Variants in NUDC observed in about 807,000 individuals in gnomAD.
The protein encoded by NUDC is nuclear distribution C, dynein complex regulator.
NUDC carries 14 observed loss-of-function variants against 45.0 expected under a neutral mutation model. That is an observed-to-expected ratio of 0.31 (90% confidence interval 0.21 to 0.49). The LOEUF (loss-of-function observed/expected upper bound fraction) is 0.49, where lower values mean the gene tolerates loss of function less well. Among genes scored for constraint, NUDC ranks in the 20% least tolerant of loss-of-function variants. The pLI is 0.99. For missense variants in NUDC, 323 were observed against 426.2 expected (o/e 0.76, Z 2.13); for synonymous variants, 153 against 156.7 (o/e 0.98, Z 0.17).
At chr1:26,926,397 A>G (rs1363705491) in intron 2 of NUDC, among the ~76,000 whole-genome samples, 3 of 152,128 alleles carry the variant, frequency 2.0e-5, no homozygotes, top group Admixed American at 1.3e-4. Flanking sequence ...GTTCCCAGCA[A>G]TGCTCTGGTT....
intron 1 of NUDC, chr1:26,922,610 A>G (rs1262991537): frequency 6.5e-6 from 1 of 152,718 alleles, no homozygotes; most frequent in East Asian, 1.9e-4. Context: ...GTTTTTTTGG[A>G]ACAAACACAA....
intron 6 of NUDC, among the ~76,000 whole-genome samples, chr1:26,943,514 G>A (rs1354996237): frequency 6.6e-6 from 1 of 152,024 alleles, no homozygotes; most frequent in Admixed American, 6.6e-5. Context: ...CAGGAAAAGA[G>A]CTCGTTGATT....
intron 2 of NUDC, among the ~76,000 whole-genome samples, chr1:26,906,252 C>G (rs1435974646): frequency 6.6e-6 from 1 of 151,552 alleles, no homozygotes; most frequent in African/African-American, 2.4e-5. Context: ...GAACTCCACC[C>G]TGGGCAAGAG....
rs987596004 is a variant in NUDC, at chr1:26,940,876, C to T, written c.160-581C>T. On this transcript the variant is annotated intron_variant, in intron 2 of 8. Coordinates refer to ENST00000321265, the MANE Select transcript of NUDC (RefSeq NM_006600.4). ...AATTTTTTTGTATTGTTAGTAGAGACGGGGTTTCACCATGTTGGCCAGATT... is the reference window on the plus strand; with the variant it reads ...AATTTTTTTGTATTGTTAGTAGAGATGGGGTTTCACCATGTTGGCCAGATT... Among the ~76,000 whole-genome samples, 4 of 151,498 alleles carry T rather than the reference C, an allele frequency of 2.6e-5. No homozygotes were observed. In the South Asian group the frequency reaches 6.3e-4, roughly 24 times the overall value.
intron 2 of NUDC, among the ~76,000 whole-genome samples, chr1:26,937,467 A>G (rs143967571): frequency 1.6e-3 from 236 of 151,968 alleles, no homozygotes; most frequent in Non-Finnish European, 2.9e-3. Flanking sequence ...TTTTTGGTAT[A>G]GACGGGGTCT....
At chr1:26,904,260 C>T (rs756389646) in intron 2 of NUDC, among the ~76,000 whole-genome samples, 4 of 150,082 alleles carry the variant, frequency 2.7e-5, no homozygotes, top group African/African-American at 4.9e-5. Flanking sequence ...CTCTGCCTGC[C>T]GGGTTCAGGC....
chr1:26,930,947 C>CA (rs2082178056), intron 2 of NUDC, among the ~76,000 whole-genome samples: 1 of 151,726 alleles, frequency 6.6e-6, no homozygotes, highest in Admixed American at 6.6e-5. Context: ...ACCTGGGAGA[C>CA]AGAGTTTGCA....
chr1:26,941,968 C>CA (rs1312432206), intron 4 of NUDC, 150 bp downstream of exon 4: 2 of 820,600 alleles, frequency 2.4e-6, no homozygotes, highest in Non-Finnish European at 4.1e-6. Context: ...AGATCACACT[C>CA]AGAGACATTG....
chr1:26,936,150 T>C (rs2082229178), intron 2 of NUDC, among the ~76,000 whole-genome samples: 1 of 9,602 alleles, frequency 1.0e-4, no homozygotes, highest in Non-Finnish European at 2.5e-4. Context: ...TATATATATA[T>C]ATATATATAT....
rs371311903 is a variant in NUDC, at chr1:26,941,397, T to C, written c.160-60T>C. 28 of 1,571,882 alleles carry C rather than the reference T, an allele frequency of 1.8e-5. No homozygotes were observed. The African/African-American group carries it at 3.4e-4, about 19-fold the overall frequency. The stretch of plus-strand genomic sequence containing the variant: ...CAGCAGGTAGAGAGTGGGGCTGGAC[T>C]CCAGGCTGTGGGACACTGTCCCCTG... On this transcript the variant is annotated intron_variant, in intron 2 of 8. Transcript: ENST00000321265.
At chr1:26,933,012 C>T (rs112249251) in intron 2 of NUDC, among the ~76,000 whole-genome samples, 2 of 151,992 alleles carry the variant, frequency 1.3e-5, no homozygotes, top group South Asian at 2.1e-4. Flanking sequence ...TTCTTGCCCA[C>T]GCTGGAGTGC....
In NUDC at chr1:26,914,972, AATATATATGTATATGTAT is replaced by A. The variant is rs1316463919; in HGVS notation, c.93+3740_93+3757del. Among the ~76,000 whole-genome samples the A allele has an allele frequency of 3.9e-5, 5 of 127,700 alleles. No homozygotes were observed. The East Asian group carries it at 1.0e-3, about 26-fold the overall frequency. The allele number at this position is 127,700 out of a possible 152,430, so 83.8% of individuals were successfully genotyped here. On this transcript the variant is annotated intron_variant, in intron 3 of 6. Coordinates refer to the NUDC transcript ENST00000435827. ...ACAGAGCAAGATCCTGTCTCAAAAA[AATATATATGTATATGTAT>A]ATGTATATGTATATGTATATGTATA...
In NUDC at chr1:26,904,033, AAT is replaced by A. The variant is rs1306149841; in HGVS notation, c.-16+1668_-16+1669del. On this transcript the variant is annotated intron_variant, in intron 2 of 6. Transcript: ENST00000435827. ...CTCAAAATAAATAAATAAATAAATA[AAT>A]TAAATAAATAAATAATAAATAAATA... 2.6e-5 allele frequency among the ~76,000 whole-genome samples: 3 copies of A among 117,534 alleles called. 1 individual carries two copies. Among genetic ancestry groups the A allele is most frequent in the African/African-American group, 1.0e-4 (3 of 29,276 alleles). 77.1% of individuals were successfully genotyped at this position (117,534 alleles called of 152,430 possible). A position where few individuals can be genotyped will look rare whatever the true frequency, so the allele number is the denominator to read the frequency against.
intron 2 of NUDC, among the ~76,000 whole-genome samples, chr1:26,908,339 C>T (rs2082011268): frequency 6.6e-6 from 1 of 152,186 alleles, no homozygotes; most frequent in South Asian, 2.1e-4. Context: ...TTTGGAAAGC[C>T]TACAGTCTCA....
rs959369118 is a variant in NUDC, at chr1:26,946,193, T to C, written c.*12T>C. Reference sequence around the variant, plus strand: ...CTAAATTCAACTAGCCCCTGTTTTTTCCTCCCTGAACTCTTGGGGCTGAGC... The same window carrying C: ...CTAAATTCAACTAGCCCCTGTTTTTCCCTCCCTGAACTCTTGGGGCTGAGC... On this transcript the variant is annotated 3_prime_UTR_variant, in exon 9 of 9. Coordinates refer to ENST00000321265, the MANE Select transcript of NUDC (RefSeq NM_006600.4). 2 of 1,611,038 alleles carry C rather than the reference T, an allele frequency of 1.2e-6. No individual in the cohort carries two copies. The highest frequency in any genetic ancestry group is 1.1e-5 in the South Asian group (1 of 90,982).
chr1:26,908,360 A>T (rs2082011345), intron 2 of NUDC, among the ~76,000 whole-genome samples: 1 of 152,178 alleles, frequency 6.6e-6, no homozygotes, highest in Non-Finnish European at 1.5e-5. Context: ...TGGAGAAAGC[A>T]CGATTCCCCT....
rs1463809572 is a variant in NUDC, at chr1:26,945,431, C to T, written c.783C>T (p.Asp261=). The part of the protein sequence containing the change: ...MEWWSRLVSS[D]PEINTKKINP... Reference sequence around the variant, plus strand: ...GGTGGAGCCGCTTGGTGTCCAGTGACCCTGAGATCAACACCAAGAAGATTA... The same window carrying T: ...GGTGGAGCCGCTTGGTGTCCAGTGATCCTGAGATCAACACCAAGAAGATTA... Residue 261 remains aspartate, a synonymous_variant, in exon 7 of 9, where the codon GAC becomes GAT. Transcript: ENST00000321265. 6.2e-7 allele frequency: 1 copy of T among 1,613,728 alleles called. No homozygotes were observed. Among genetic ancestry groups the T allele is most frequent in the South Asian group, 1.1e-5 (1 of 91,062 alleles).
chr1:26,904,810 A>T (rs1332539997), intron 2 of NUDC, among the ~76,000 whole-genome samples: 1 of 151,884 alleles, frequency 6.6e-6, no homozygotes, highest in Non-Finnish European at 1.5e-5. Context: ...AAGTTCACAC[A>T]TGGTAAATTA....
intron 4 of NUDC, among the ~76,000 whole-genome samples, chr1:26,942,430 G>A (rs910043973): frequency 6.6e-6 from 1 of 152,168 alleles, no homozygotes; most frequent in African/African-American, 2.4e-5. Flanking sequence ...TTGTCACATG[G>A]TATAATATTA....
Sources: gnomAD v4.1 joint callset for allele counts (sites outside exome capture counted in the v4.1 genomes callset) on GRCh38, gnomAD v4.1.1 for gene constraint, MANE v1.5 for transcripts, NCBI Gene and HGNC (gene_info 2026-07-23, HGNC 2026-07-21) for gene names.